Variants in GSTCD observed in about 807,000 individuals in gnomAD.
The protein encoded by GSTCD is glutathione S-transferase C-terminal domain-containing protein.
In GSTCD, 44 loss-of-function variants were observed where a neutral mutation model predicts 68.3. The observed-to-expected ratio is 0.64, with a 90% CI of 0.51 to 0.83. The LOEUF (loss-of-function observed/expected upper bound fraction) is 0.83. Among genes scored for constraint, GSTCD ranks in the 40% least tolerant of loss-of-function variants. The pLI is 0.00. For synonymous variants in GSTCD, 273 were observed against 255.2 expected, an observed-to-expected ratio of 1.07 and a Z score of -0.67; for missense variants, 739 against 735.9, an observed-to-expected ratio of 1.00 and a Z score of -0.05.
chr4:105,761,008 T>C, intron 5 of GSTCD: 1 of 301,340 alleles, frequency 3.3e-6, no homozygotes, highest in Non-Finnish European at 6.2e-6. Flanking sequence ...TTTTTTTTTT[T>C]TTTTTTTTTT....
In GSTCD at chr4:105,719,162, C is replaced by T. The variant is rs1732775829; in HGVS notation, c.529C>T (p.Leu177=). 6.2e-7 allele frequency: 1 copy of T among 1,613,910 alleles called. No individual in the cohort carries two copies. Among genetic ancestry groups the T allele is most frequent in the African/African-American group, 1.3e-5 (1 of 74,888 alleles). The change falls in exon 3 of 12, where the codon CTA becomes TTA. Residue 177 remains leucine (L), a synonymous_variant. Coordinates refer to ENST00000515279, the MANE Select transcript of GSTCD (RefSeq NM_001370181.1). ...DQPPTIPVEI[L]QLEKKLSEPV... Reference sequence around the variant, plus strand: ...GCCCCCAACTATACCTGTAGAAATACTACAGCTAGAGAAAAAGCTTAGTGA... The same window carrying T: ...GCCCCCAACTATACCTGTAGAAATATTACAGCTAGAGAAAAAGCTTAGTGA...
At chr4:105,821,115 C>G (rs1041793991) in intron 5 of GSTCD, 3 of 151,850 alleles carry the variant, frequency 2.0e-5, no homozygotes, top group African/African-American at 7.2e-5. Flanking sequence ...CAAAGAGCCT[C>G]AAAGTACTCT....
In GSTCD at chr4:105,719,139, C is replaced by T. The variant is rs1732774852; in HGVS notation, c.506C>T (p.Pro169Leu). 1.4e-5 allele frequency: 22 copies of T among 1,613,946 alleles called. No homozygotes were observed. Among genetic ancestry groups the T allele is most frequent in the Non-Finnish European group, 1.6e-5 (19 of 1,179,990 alleles). Residue 169 changes from proline to leucine, a missense_variant, in exon 3 of 12, where the codon CCC (proline) becomes CTC (leucine). Coordinates refer to ENST00000515279, the MANE Select transcript of GSTCD (RefSeq NM_001370181.1). ...TTTCTCAGAGAATCTTCTGACCAGC[C>T]CCCAACTATACCTGTAGAAATACTA... The part of the protein sequence containing the change: ...ENFLRESSDQ[P>L]PTIPVEILQL...
intron 5 of GSTCD, among the ~76,000 whole-genome samples, chr4:105,773,968 C>T (rs1378663629): frequency 6.6e-6 from 1 of 152,068 alleles, no homozygotes; most frequent in African/African-American, 2.4e-5. Flanking sequence ...TAAAGTCTCC[C>T]ACTATTATTG....
intron 7 of GSTCD, chr4:105,823,770 A>G (rs1723438771): frequency 6.6e-6 from 1 of 152,200 alleles, no homozygotes; most frequent in African/African-American, 2.4e-5. Context: ...GTCACTGTCC[A>G]TAGGGATGCT....
intron 5 of GSTCD, among the ~76,000 whole-genome samples, chr4:105,822,374 A>T (rs1723344606): frequency 6.6e-6 from 1 of 152,104 alleles, no homozygotes; most frequent in African/African-American, 2.4e-5. Context: ...GTAACCATTG[A>T]TATATTTCAG....
chr4:105,716,729 G>A (rs1347546310), intron 1 of GSTCD, among the ~76,000 whole-genome samples: 3 of 152,200 alleles, frequency 2.0e-5, no homozygotes, highest in Non-Finnish European at 2.9e-5. Flanking sequence ...AAACTGGTCC[G>A]TGGTGCCAAG....
intron 5 of GSTCD, among the ~76,000 whole-genome samples, chr4:105,738,478 A>G (rs1219242937): frequency 6.6e-6 from 1 of 152,150 alleles, no homozygotes; most frequent in Admixed American, 6.5e-5. Context: ...CACTTTTGGT[A>G]CTATGATTGT....
intron 5 of GSTCD, among the ~76,000 whole-genome samples, chr4:105,804,959 A>T (rs1045869977): frequency 2.0e-5 from 3 of 152,134 alleles, no homozygotes; most frequent in Admixed American, 6.6e-5. Context: ...ATGTCCCTGC[A>T]AAGGACATGG....
At chr4:105,748,770 G>A (rs953720857) in intron 5 of GSTCD, among the ~76,000 whole-genome samples, 1 of 149,648 alleles carries the variant, frequency 6.7e-6, no homozygotes, top group Non-Finnish European at 1.5e-5. Context: ...GATATATAGA[G>A]CAAAACATGT....
At chr4:105,812,426 C>T (rs929230891) in intron 5 of GSTCD, among the ~76,000 whole-genome samples, 2 of 152,038 alleles carry the variant, frequency 1.3e-5, no homozygotes, top group Non-Finnish European at 2.9e-5. Flanking sequence ...GTCTCAAACT[C>T]CTGGCCTCAA....
At chr4:105,712,300 A>G (rs1185442755) in intron 1 of GSTCD, among the ~76,000 whole-genome samples, 2 of 152,182 alleles carry the variant, frequency 1.3e-5, no homozygotes, top group Non-Finnish European at 2.9e-5. Flanking sequence ...CAATGAAATG[A>G]GGGAGCAAGC....
intron 1 of GSTCD, among the ~76,000 whole-genome samples, chr4:105,714,766 T>G (rs1732636408): frequency 1.3e-5 from 2 of 152,084 alleles, no homozygotes; most frequent in South Asian, 4.1e-4. Flanking sequence ...GGCATCTCAT[T>G]AATTTTTAGA....
chr4:105,734,635 T>C (rs778342477), intron 5 of GSTCD, among the ~76,000 whole-genome samples: 9 of 152,178 alleles, frequency 5.9e-5, no homozygotes, highest in Non-Finnish European at 1.3e-4. Context: ...GGTTCCTCCT[T>C]TAGCTCAGAG....
intron 8 of GSTCD, among the ~76,000 whole-genome samples, chr4:105,830,176 AG>A (rs1217036537): frequency 6.6e-6 from 1 of 152,212 alleles, no homozygotes; most frequent in African/African-American, 2.4e-5. Context: ...AAATGGCCTA[AG>A]CCAAGGCACC....
rs1732790326 is a variant in GSTCD at position 105,719,403 on chromosome 4, G to A, written c.770G>A (p.Arg257Lys). ...TVQEEPATTN[R>K]EPSHIRKAKA... ...CAGGAAGAACCAGCTACTACCAACA[G>A]AGAGCCTTCTCACATCAGAAAAGCA... The change falls in exon 3 of 12, where the codon AGA (arginine) becomes AAA (lysine). Residue 257 changes from arginine (R) to lysine (K), a missense_variant. Physicochemically the swap from Arg to Lys is conservative, Grantham distance 26 (BLOSUM62 2). Coordinates refer to ENST00000515279, the MANE Select transcript of GSTCD (RefSeq NM_001370181.1). 6.2e-7 allele frequency: 1 copy of A among 1,614,088 alleles called. No individual in the cohort carries two copies. Among genetic ancestry groups the A allele is most frequent in the South Asian group, 1.1e-5 (1 of 91,080 alleles).
intron 5 of GSTCD, among the ~76,000 whole-genome samples, chr4:105,745,492 C>T (rs1201121046): frequency 6.6e-6 from 1 of 152,164 alleles, no homozygotes; most frequent in Non-Finnish European, 1.5e-5. Flanking sequence ...ATGTGATTTC[C>T]TTCTCTGTGT....
chr4:105,785,227 A>T (rs1235176867), intron 5 of GSTCD, among the ~76,000 whole-genome samples: 4 of 152,226 alleles, frequency 2.6e-5, no homozygotes, highest in African/African-American at 9.6e-5. Flanking sequence ...TTGTTGACTT[A>T]TAACATTTTT....
chr4:105,726,129 A>G (rs1043697460), intron 3 of GSTCD, among the ~76,000 whole-genome samples: 1 of 152,218 alleles, frequency 6.6e-6, no homozygotes, highest in African/African-American at 2.4e-5. Context: ...AAACATGCAA[A>G]TATCTATCAA....
Sources: gnomAD v4.1 joint callset for allele counts (sites outside exome capture counted in the v4.1 genomes callset) on GRCh38, gnomAD v4.1.1 for gene constraint, MANE v1.5 for transcripts, NCBI Gene and HGNC (gene_info 2026-07-23, HGNC 2026-07-21) for gene names.